DISP1: variants seen among roughly 807,000 people sequenced by gnomAD.
DISP1 encodes dispatched RND transporter family member 1, also known as protein dispatched homolog 1.
DISP1 carries 30 observed loss-of-function variants against 37.3 expected under a neutral mutation model. That is an observed-to-expected ratio of 0.80 (90% CI 0.60 to 1.09). DISP1 has a LOEUF of 1.09. Ranked by LOEUF, DISP1 falls within the 50% of genes least tolerant of loss-of-function variation. DISP1 has a pLI of 0.00. For missense variants in DISP1, 1,598 were observed against 1,879.5 expected (o/e 0.85, Z 2.77); for synonymous variants, 634 against 690.2 (o/e 0.92, Z 1.28).
At chr1:222,925,923 G>A (rs1462787522) in intron 1 of DISP1, among the ~76,000 whole-genome samples, 1 of 152,096 alleles carries the variant, frequency 6.6e-6, no homozygotes, top group African/African-American at 2.4e-5. Context: ...TTGAAATTGG[G>A]ATATAAGTCA....
Position 223,005,570 on chromosome 1 carries a change from A to G in DISP1, c.4173A>G (p.Pro1391=), listed in dbSNP as rs144013471. Reference sequence around the variant, plus strand: ...AGCATCTTCCAAAGATGGCAGAGCCATCGTCATTTGTCTGCAGAAGCACTG... The same window carrying G: ...AGCATCTTCCAAAGATGGCAGAGCCGTCGTCATTTGTCTGCAGAAGCACTG... ...IEEHLPKMAE[P]SSFVCRSTGS... is the part of the protein sequence containing the mutation. The change falls in exon 9 of 9, where the codon CCA becomes CCG. Residue 1391 remains proline, a synonymous_variant. Coordinates refer to ENST00000675850, the MANE Select transcript of DISP1 (RefSeq NM_001377229.1). The G allele has an allele frequency of 3.7e-4, 593 of 1,614,100 alleles. No individual in the cohort carries two copies. Among genetic ancestry groups the G allele is most frequent in the Non-Finnish European group, 4.8e-4 (567 of 1,180,048 alleles).
intron 3 of DISP1, among the ~76,000 whole-genome samples, chr1:222,982,735 T>C (rs923908463): frequency 2.0e-5 from 3 of 152,164 alleles, no homozygotes; most frequent in African/African-American, 7.2e-5. Context: ...CTGAGGGATG[T>C]GGATTCCTGT....
chr1:222,991,898 C>A, intron 6 of DISP1, 115 bp from the exon 7 acceptor site: 1 of 895,308 alleles, frequency 1.1e-6, no homozygotes, highest in Non-Finnish European at 1.8e-6. Flanking sequence ...ATCCTTTCAA[C>A]TTAATATCAA....
At chr1:222,929,441 C>T (rs1673262817) in intron 2 of DISP1, among the ~76,000 whole-genome samples, 1 of 151,854 alleles carries the variant, frequency 6.6e-6, no homozygotes, top group Non-Finnish European at 1.5e-5. Flanking sequence ...ACCATAAATG[C>T]CTTTATTCAA....
rs1397576166 is a variant in DISP1, at chr1:223,002,430, G to A, written c.1033G>A (p.Ala345Thr). 1 of 1,613,968 alleles carries A rather than the reference G, an allele frequency of 6.2e-7. No individual in the cohort carries two copies. Among genetic ancestry groups the A allele is most frequent in the Non-Finnish European group, 8.5e-7 (1 of 1,180,026 alleles). ...TGGTGATCTCTGCCAGAGGACCACTGCTGCCTCCTGCTGCCCCAGCTGGAC... is the reference window on the plus strand; with the variant it reads ...TGGTGATCTCTGCCAGAGGACCACTACTGCCTCCTGCTGCCCCAGCTGGAC... ...QFGDLCQRTT[A>T]ASCCPSWTLG... Residue 345 changes from alanine to threonine, a missense_variant, in exon 9 of 9, where the codon GCT becomes ACT. Coordinates refer to ENST00000675850, the MANE Select transcript of DISP1 (RefSeq NM_001377229.1).
intron 1 of DISP1, among the ~76,000 whole-genome samples, chr1:222,865,750 T>C (rs1218711397): frequency 6.6e-6 from 1 of 152,236 alleles, no homozygotes; most frequent in Non-Finnish European, 1.5e-5. Flanking sequence ...AAATAGAATT[T>C]ATTCCAACAT....
At chr1:222,887,847 A>G (rs1471156840) in intron 1 of DISP1, among the ~76,000 whole-genome samples, 3 of 152,196 alleles carry the variant, frequency 2.0e-5, no homozygotes, top group Non-Finnish European at 2.9e-5. Flanking sequence ...GTCTTTGAGA[A>G]TGGAAACAGA....
chr1:222,870,175 A>G (rs1669455316), intron 1 of DISP1, among the ~76,000 whole-genome samples: 1 of 152,138 alleles, frequency 6.6e-6, no homozygotes, highest in Non-Finnish European at 1.5e-5. Flanking sequence ...ACATTTTCTT[A>G]ATCCAGTCTA....
At chr1:222,939,700 C>T (rs1674236568) in intron 2 of DISP1, among the ~76,000 whole-genome samples, 2 of 151,574 alleles carry the variant, frequency 1.3e-5, no homozygotes, top group African/African-American at 4.9e-5. Context: ...TGTGGTGGCA[C>T]ACACCTGTGA....
At chr1:222,928,153 AAAGATCAAAGG>A (rs1673187422) in intron 1 of DISP1, among the ~76,000 whole-genome samples, 1 of 152,244 alleles carries the variant, frequency 6.6e-6, no homozygotes, top group Non-Finnish European at 1.5e-5. Flanking sequence ...TTAAAATCCA[AAAGATCAAAGG>A]AAGTTATAAC....
At chr1:222,957,735 G>A (rs886369840) in intron 3 of DISP1, among the ~76,000 whole-genome samples, 3 of 152,028 alleles carry the variant, frequency 2.0e-5, no homozygotes, top group East Asian at 1.9e-4. Context: ...AGAAAATGAC[G>A]CCTCAAGATC....
intron 8 of DISP1, among the ~76,000 whole-genome samples, chr1:223,001,087 T>C (rs897027521): frequency 1.3e-5 from 2 of 152,244 alleles, no homozygotes; most frequent in African/African-American, 4.8e-5. Flanking sequence ...TCATCTAATT[T>C]ACAGGATGGA....
chr1:222,938,472 T>C (rs1195053457), intron 2 of DISP1, among the ~76,000 whole-genome samples: 1 of 151,706 alleles, frequency 6.6e-6, no homozygotes, highest in East Asian at 2.0e-4. Context: ...TGGTGGCTCA[T>C]CCTGTAATCC....
At chr1:222,975,201 T>G (rs1367378780) in intron 3 of DISP1, among the ~76,000 whole-genome samples, 4 of 151,950 alleles carry the variant, frequency 2.6e-5, no homozygotes, top group Non-Finnish European at 5.9e-5. Context: ...ATTTTTTTAT[T>G]TTTTATAGAG....
chr1:222,831,700 G>C (rs1001969253), intron 1 of DISP1, among the ~76,000 whole-genome samples: 3 of 152,170 alleles, frequency 2.0e-5, no homozygotes, highest in African/African-American at 7.2e-5. Flanking sequence ...GATTTGTAGA[G>C]GCATAGAGGT....
intron 1 of DISP1, among the ~76,000 whole-genome samples, chr1:222,918,605 G>T (rs900932723): frequency 1.8e-4 from 27 of 152,186 alleles, no homozygotes; most frequent in African/African-American, 6.5e-4. Context: ...GTATCTAGTA[G>T]ACCCACTTGT....
At chr1:222,850,917 C>T (rs930057445) in intron 1 of DISP1, among the ~76,000 whole-genome samples, 1 of 152,044 alleles carries the variant, frequency 6.6e-6, no homozygotes, top group Non-Finnish European at 1.5e-5. Context: ...TTTTATCTGA[C>T]AGGCCCATTG....
rs1196000232 is a variant in DISP1, at chr1:223,005,210, T to C, written c.3813T>C (p.Cys1271=). ...VCHFFSLNQR[C]SCPDAYKHLN... ...ACTTCTTCTCTCTGAATCAGAGATG[T>C]AGCTGCCCAGATGCCTACAAACACT... The change falls in exon 9 of 9, where the codon TGT becomes TGC. Residue 1271 remains cysteine (C), a synonymous_variant. Transcript: ENST00000675850. 7 of 1,614,178 alleles carry C rather than the reference T, an allele frequency of 4.3e-6. No homozygotes were observed. Among genetic ancestry groups the C allele is most frequent in the Non-Finnish European group, 5.1e-6 (6 of 1,180,026 alleles).
At position 222,977,577 on chromosome 1, in the gene DISP1, C is replaced by T. The variant is rs180884693; in HGVS notation, c.510-5503C>T. On this transcript the variant is annotated intron_variant, in intron 3 of 8. Coordinates refer to ENST00000675850, the MANE Select transcript of DISP1 (RefSeq NM_001377229.1). ...ATACTTTAAGTCTTAGGTATATGTGCACAACGTGCAGGTTAGTTACATATG... is the reference window on the plus strand; with the variant it reads ...ATACTTTAAGTCTTAGGTATATGTGTACAACGTGCAGGTTAGTTACATATG... Among the ~76,000 whole-genome samples, 18 of 145,448 alleles carry T rather than the reference C, an allele frequency of 1.2e-4. No individual in the cohort carries two copies. The East Asian group carries it at 3.0e-3, about 24-fold the overall frequency.
Sources: allele counts gnomAD v4.1 joint callset (sites outside exome capture counted in the v4.1 genomes callset), GRCh38; gene constraint gnomAD v4.1.1; transcripts MANE v1.5; gene names NCBI Gene and HGNC (gene_info 2026-07-23, HGNC 2026-07-21).